Variants in FRMD6 observed in about 807,000 individuals in gnomAD.
FRMD6 encodes FERM domain-containing protein 6.
A neutral mutation model predicts 73.2 loss-of-function variants in FRMD6; 37 were observed. The observed-to-expected ratio is 0.51, with a 90% CI of 0.39 to 0.66. The LOEUF is 0.66. Among genes scored for constraint, FRMD6 ranks in the 30% least tolerant of loss-of-function variants. FRMD6 has a pLI of 0.00. For missense variants in FRMD6, 714 were observed against 780.5 expected (o/e 0.91, Z 1.02); for synonymous variants, 273 against 282.2 (o/e 0.97, Z 0.33).
intron 12 of FRMD6, among the ~76,000 whole-genome samples, chr14:51,724,568 T>A (rs1455798202): frequency 6.6e-6 from 1 of 152,236 alleles, no homozygotes; most frequent in Non-Finnish European, 1.5e-5. Context: ...TCATATTTCA[T>A]GTTTCAATTG....
At chr14:51,511,212 C>T (rs1476204344) in intron 1 of FRMD6, among the ~76,000 whole-genome samples, 1 of 152,142 alleles carries the variant, frequency 6.6e-6, no homozygotes, top group Non-Finnish European at 1.5e-5. Flanking sequence ...ATTTTTTGGT[C>T]TTAACTACAG....
rs187348976 is a variant in FRMD6, at chr14:51,601,689, G to A, written c.-147+31279G>A. Among the ~76,000 whole-genome samples, 375 of 152,286 alleles carry A rather than the reference G, an allele frequency of 2.5e-3. 2 individuals carry two copies. Among genetic ancestry groups the A allele is most frequent in the Non-Finnish European group, 3.9e-3 (263 of 68,018 alleles). The stretch of plus-strand genomic sequence containing the variant: ...AAGTAGTGACTTCAACTGGATAAAA[G>A]GCTTAAGACCCTGAGGATATTGTGA... On this transcript the variant is annotated intron_variant, in intron 2 of 14. Coordinates refer to the FRMD6 transcript ENST00000356218.
At chr14:51,525,246 GC>G (rs1476256716) in intron 1 of FRMD6, among the ~76,000 whole-genome samples, 1 of 151,662 alleles carries the variant, frequency 6.6e-6, no homozygotes, top group Non-Finnish European at 1.5e-5. Context: ...TTTTTTAAAG[GC>G]CCTTCTTTAT....
chr14:51,416,623 T>C, the FRMD6 span, among the ~76,000 whole-genome samples: 1 of 152,262 alleles, frequency 6.6e-6, no homozygotes, highest in South Asian at 2.1e-4. Context: ...GAAGAATGTA[T>C]ATTCTGTTGA....
intron 1 of FRMD6, among the ~76,000 whole-genome samples, chr14:51,565,960 T>C (rs1596613801): frequency 6.6e-6 from 1 of 152,002 alleles, no homozygotes; most frequent in Admixed American, 6.6e-5. Flanking sequence ...GTCAGGAGAT[T>C]GAGACCATCC....
chr14:51,475,740 A>G, the FRMD6 span, among the ~76,000 whole-genome samples: 1 of 152,254 alleles, frequency 6.6e-6, no homozygotes. Context: ...GAAACAGGTA[A>G]TAACTGAGAT....
rs1222316387 is a variant in FRMD6, at chr14:51,707,669, T to C, written c.559-409T>C. On this transcript the variant is annotated intron_variant, in intron 6 of 13. Coordinates refer to ENST00000344768, the MANE Select transcript of FRMD6 (RefSeq NM_001267046.2). The stretch of plus-strand genomic sequence containing the variant: ...TCCCAGTCTGTGGCTGAAATTTTCT[T>C]AAGAGTTAGGTAGGATCCAGAACCT... Among the ~76,000 whole-genome samples, 5 of 152,288 alleles carry C rather than the reference T, an allele frequency of 3.3e-5. No homozygotes were observed. The East Asian group carries it at 9.7e-4, about 29-fold the overall frequency.
At chr14:51,592,102 G>A (rs946822027) in intron 2 of FRMD6, among the ~76,000 whole-genome samples, 1 of 152,138 alleles carries the variant, frequency 6.6e-6, no homozygotes, top group Non-Finnish European at 1.5e-5. Context: ...ATTACAGCTG[G>A]TTTTAATTTT....
At chr14:51,401,898 C>A in the FRMD6 span, among the ~76,000 whole-genome samples, 1 of 152,298 alleles carries the variant, frequency 6.6e-6, no homozygotes. Flanking sequence ...TGTTGGAAAA[C>A]AGGCCGTGGA....
chr14:51,532,913 A>G (rs1885670606), intron 1 of FRMD6, among the ~76,000 whole-genome samples: 1 of 152,252 alleles, frequency 6.6e-6, no homozygotes, highest in African/African-American at 2.4e-5. Context: ...CCCAGTGCTC[A>G]GCACATGGCC....
At chr14:51,513,477 C>T (rs899809595) in intron 1 of FRMD6, among the ~76,000 whole-genome samples, 1 of 152,208 alleles carries the variant, frequency 6.6e-6, no homozygotes, top group Admixed American at 6.5e-5. Flanking sequence ...GTCAGAAAAC[C>T]CCGGGCCAGG....
At chr14:51,458,605 A>G in the FRMD6 span, among the ~76,000 whole-genome samples, 1 of 152,266 alleles carries the variant, frequency 6.6e-6, no homozygotes, top group Non-Finnish European at 1.5e-5. Flanking sequence ...TTGATTATTT[A>G]TAACTAGGAA....
At chr14:51,429,424 ATT>A in the FRMD6 span, among the ~76,000 whole-genome samples, 103 of 151,622 alleles carry the variant, frequency 6.8e-4, no homozygotes, top group African/African-American at 2.2e-3. Flanking sequence ...AGTCATGAAG[ATT>A]TTTTTTTGTT....
the FRMD6 span, among the ~76,000 whole-genome samples, chr14:51,431,950 G>A: frequency 6.6e-6 from 1 of 152,070 alleles, no homozygotes; most frequent in Non-Finnish European, 1.5e-5. Context: ...AGCTAAATAA[G>A]GCTTGTACAG....
chr14:51,451,607 C>A, the FRMD6 span, among the ~76,000 whole-genome samples: 1 of 152,170 alleles, frequency 6.6e-6, no homozygotes, highest in Non-Finnish European at 1.5e-5. Context: ...TCTTTAACTC[C>A]TGACCTCAAG....
At chr14:51,436,728 A>G in the FRMD6 span, 1 of 539,518 alleles carries the variant, frequency 1.9e-6, no homozygotes, top group Non-Finnish European at 3.4e-6. Flanking sequence ...CTATTACAGT[A>G]CTACTTGGTT....
At chr14:51,593,352 A>AGAATGT (rs1297634011) in intron 2 of FRMD6, among the ~76,000 whole-genome samples, 1 of 152,242 alleles carries the variant, frequency 6.6e-6, no homozygotes, top group African/African-American at 2.4e-5. Flanking sequence ...CCTTTCCTGA[A>AGAATGT]GAATGTGAAT....
upstream of FRMD6, among the ~76,000 whole-genome samples, chr14:51,648,016 G>C (rs1594651068): frequency 3.3e-5 from 5 of 152,140 alleles, no homozygotes; most frequent in South Asian, 8.3e-4. Context: ...GTAGAGATGG[G>C]GTTTCTCCAT....
In FRMD6 at chr14:51,534,187, A is replaced by G. The variant is rs189663979; in HGVS notation, c.-209-36161A>G. Among the ~76,000 whole-genome samples the G allele has an allele frequency of 2.0e-5, 3 of 152,284 alleles. No individual in the cohort carries two copies. The East Asian group carries it at 5.8e-4, about 29-fold the overall frequency. ...ATAGTTCAAACGGCTGTAGATCTCA[A>G]TTCATTCTAAAGTCTACTAACTGGT... On this transcript the variant is annotated intron_variant, in intron 1 of 14. Coordinates refer to the FRMD6 transcript ENST00000356218.
Sources: allele counts gnomAD v4.1 joint callset (sites outside exome capture counted in the v4.1 genomes callset), GRCh38; gene constraint gnomAD v4.1.1; transcripts MANE v1.5; gene names NCBI Gene and HGNC (gene_info 2026-07-23, HGNC 2026-07-21).